The following TTC39C variants were observed in gnomAD, a reference collection of about 807,000 sequenced individuals.
The protein encoded by TTC39C is tetratricopeptide repeat domain 39C.
A neutral mutation model predicts 76.3 loss-of-function variants in TTC39C; 33 were observed. The observed-to-expected ratio is 0.43, with a 90% confidence interval of 0.33 to 0.58. TTC39C has a LOEUF of 0.58. Ranked by LOEUF, TTC39C falls within the 20% of genes least tolerant of loss-of-function variation. The pLI is 0.04. For synonymous variants in TTC39C, 254 were observed against 260.6 expected, an observed-to-expected ratio of 0.97 and a Z score of 0.24; for missense variants, 595 against 701.4, an observed-to-expected ratio of 0.85 and a Z score of 1.71.
chr18:24,021,539 CTTTTTTTTT>C (rs60505555), intron 1 of TTC39C, among the ~76,000 whole-genome samples: 6 of 118,896 alleles, frequency 5.0e-5, no homozygotes, highest in African/African-American at 2.0e-4. Context: ...TTCTTTCCTT[CTTTTTTTTT>C]TTTTTTTTTT....
At chr18:24,002,608 G>T (rs1196571690) in intron 1 of TTC39C, among the ~76,000 whole-genome samples, 1 of 152,122 alleles carries the variant, frequency 6.6e-6, no homozygotes, top group Non-Finnish European at 1.5e-5. Flanking sequence ...TCTAATGCTT[G>T]GGGGGTGCTT....
At chr18:24,047,389 G>A (rs1364926583) in intron 1 of TTC39C, among the ~76,000 whole-genome samples, 1 of 152,068 alleles carries the variant, frequency 6.6e-6, no homozygotes, top group Admixed American at 6.6e-5. Flanking sequence ...CACCGTGCAT[G>A]GCCAACATTG....
upstream of TTC39C, among the ~76,000 whole-genome samples, chr18:24,012,561 T>C (rs1297308771): frequency 1.3e-5 from 2 of 152,152 alleles, no homozygotes; most frequent in Admixed American, 1.3e-4. Flanking sequence ...TTCCCAGTAA[T>C]AGGGACATAC....
chr18:24,060,361 A>T (rs1599285368), intron 1 of TTC39C, among the ~76,000 whole-genome samples: 1 of 118,548 alleles, frequency 8.4e-6, no homozygotes. Flanking sequence ...TCTGTCGCCC[A>T]GGCTGAAGTG....
rs748690208 is a variant in TTC39C, at chr18:24,045,342, G to A, written c.168-18798G>A. On this transcript the variant is annotated intron_variant, in intron 1 of 13. Coordinates refer to ENST00000317571, the MANE Select transcript of TTC39C (RefSeq NM_001135993.2). Reference sequence around the variant, plus strand: ...TGAGAATCTGCATTGTAACAAGGGGGCCAGGGGGGATTTGTGTGCACAGCA... The same window carrying A: ...TGAGAATCTGCATTGTAACAAGGGGACCAGGGGGGATTTGTGTGCACAGCA... Among the ~76,000 whole-genome samples the A allele has an allele frequency of 5.3e-5, 8 of 150,996 alleles. No homozygotes were observed. In the South Asian group the frequency reaches 1.5e-3, roughly 28 times the overall value.
rs2084161884 is a variant in TTC39C, at chr18:24,066,008, G to A, written c.217-4G>A. ...TCATTCATTCATTCTTTCTTTCTTG[G>A]AAGAATGCCATGATGACATTTGAGG... On this transcript the variant is annotated splice_region_variant and splice_polypyrimidine_tract_variant and intron_variant, in intron 2 of 13. Coordinates refer to ENST00000317571, the MANE Select transcript of TTC39C (RefSeq NM_001135993.2). The A allele has an allele frequency of 6.4e-7, 1 of 1,563,126 alleles. No individual in the cohort carries two copies. The highest frequency in any genetic ancestry group is 8.6e-7 in the Non-Finnish European group (1 of 1,159,132).
At chr18:24,126,426 TAAA>T (rs35976434) in intron 10 of TTC39C, among the ~76,000 whole-genome samples, 14 of 110,042 alleles carry the variant, frequency 1.3e-4, no homozygotes, top group South Asian at 3.2e-4. Context: ...CCTATTTCTT[TAAA>T]AAAAAAAAAA....
chr18:24,066,448 T>C (rs1250297746), intron 3 of TTC39C, among the ~76,000 whole-genome samples: 1 of 152,210 alleles, frequency 6.6e-6, no homozygotes, highest in African/African-American at 2.4e-5. Context: ...TAGGATACGA[T>C]GGCAGTTGAT....
intron 6 of TTC39C, chr18:24,099,334 C>T (rs1256205397): frequency 6.6e-6 from 1 of 151,568 alleles, no homozygotes; most frequent in Non-Finnish European, 1.5e-5. Flanking sequence ...GGAAAGGGGG[C>T]TAGAGAGCAC....
At chr18:24,127,032 G>A (rs1272453342) in intron 10 of TTC39C, among the ~76,000 whole-genome samples, 1 of 152,196 alleles carries the variant, frequency 6.6e-6, no homozygotes, top group Non-Finnish European at 1.5e-5. Flanking sequence ...CCAGTTAAGT[G>A]AGATTTGACA....
Position 24,090,936 on chromosome 18 carries a change from A to G in TTC39C, c.984+7855A>G, listed in dbSNP as rs2084509406. ...ATTCTCATGCCTCAGCCTACCAAGTAGCTGAGACTACAGGTGTGCGCCACC... is the reference window on the plus strand; with the variant it reads ...ATTCTCATGCCTCAGCCTACCAAGTGGCTGAGACTACAGGTGTGCGCCACC... On this transcript the variant is annotated intron_variant, in intron 6 of 13. Coordinates refer to ENST00000317571, the MANE Select transcript of TTC39C (RefSeq NM_001135993.2). Among the ~76,000 whole-genome samples, 3 of 150,850 alleles carry G rather than the reference A, an allele frequency of 2.0e-5. No individual in the cohort carries two copies. In the South Asian group the frequency reaches 6.3e-4, roughly 32 times the overall value.
In TTC39C at chr18:24,114,479, A is replaced by G. The variant is rs1048592927; in HGVS notation, c.985-75A>G. 4.5e-6 allele frequency: 5 copies of G among 1,119,578 alleles called. No homozygotes were observed. In the East Asian group the frequency reaches 1.2e-4, roughly 27 times the overall value. 69.4% of individuals were successfully genotyped at this position (1,119,578 alleles called of 1,614,324 possible). On this transcript the variant is annotated intron_variant, in intron 6 of 13. Coordinates refer to ENST00000317571, the MANE Select transcript of TTC39C (RefSeq NM_001135993.2). ...TTTAAAATAACTATGAAGGAAAAAG[A>G]TGCTTTTGAATTATGATGATTGTAA...
In TTC39C at chr18:24,014,985, C is replaced by T. The variant is rs1205512385; in HGVS notation, c.114C>T (p.Asn38=). The T allele has an allele frequency of 1.3e-6, 2 of 1,528,620 alleles. No individual in the cohort carries two copies. Among genetic ancestry groups the T allele is most frequent in the African/African-American group, 1.4e-5 (1 of 70,096 alleles). The allele number at this position is 1,528,620 out of a possible 1,614,324, so 94.7% of individuals were successfully genotyped here. Residue 38 remains asparagine, a synonymous_variant, in exon 1 of 14, where the codon AAC becomes AAT. Transcript: ENST00000317571. ...QDAELALAGI[N]MLLNNGFRES... is the part of the protein sequence containing the mutation. Reference sequence around the variant, plus strand: ...CGGAGCTGGCCCTGGCCGGCATCAACATGCTGCTCAACAACGGCTTCAGGG... The same window carrying T: ...CGGAGCTGGCCCTGGCCGGCATCAATATGCTGCTCAACAACGGCTTCAGGG...
upstream of TTC39C, among the ~76,000 whole-genome samples, chr18:24,012,664 AG>A (rs2083402255): frequency 6.6e-6 from 1 of 152,122 alleles, no homozygotes; most frequent in Admixed American, 6.5e-5. Flanking sequence ...CTTATTGACT[AG>A]ACTGCTTCAG....
intron 1 of TTC39C, chr18:24,020,297 G>C: frequency 1.0e-6 from 1 of 994,674 alleles, no homozygotes; most frequent in Non-Finnish European, 1.2e-6. Flanking sequence ...CATTTGGCTT[G>C]AGATTCCTTT....
chr18:24,061,112 A>T (rs2084093088), intron 1 of TTC39C, among the ~76,000 whole-genome samples: 1 of 152,036 alleles, frequency 6.6e-6, no homozygotes, highest in Non-Finnish European at 1.5e-5. Flanking sequence ...CTTCATTTCC[A>T]TCCTTTTTTC....
At chr18:24,025,394 T>G (rs2083587265) in intron 1 of TTC39C, among the ~76,000 whole-genome samples, 1 of 152,240 alleles carries the variant, frequency 6.6e-6, no homozygotes, top group Admixed American at 6.5e-5. Flanking sequence ...CTGGTTTAGC[T>G]GCGGTTTGTT....
intron 1 of TTC39C, among the ~76,000 whole-genome samples, chr18:24,020,756 A>G (rs925047833): frequency 6.6e-6 from 1 of 152,182 alleles, no homozygotes; most frequent in African/African-American, 2.4e-5. Flanking sequence ...TTTTCCAAGT[A>G]TGTTTGATCT....
chr18:24,085,829 T>C (rs1039178668), intron 6 of TTC39C, among the ~76,000 whole-genome samples: 3 of 152,212 alleles, frequency 2.0e-5, no homozygotes, highest in African/African-American at 7.2e-5. Flanking sequence ...ATGATGAGTG[T>C]TTCTGTTTGG....
Sources: allele counts gnomAD v4.1 joint callset (sites outside exome capture counted in the v4.1 genomes callset), GRCh38; gene constraint gnomAD v4.1.1; transcripts MANE v1.5; gene names NCBI Gene and HGNC (gene_info 2026-07-23, HGNC 2026-07-21).